PCDHGA12: variants seen among roughly 807,000 people sequenced by gnomAD.
The protein encoded by PCDHGA12 is protocadherin gamma subfamily A, 12.
In PCDHGA12, 43 loss-of-function variants were observed where a neutral mutation model predicts 61.1. The observed-to-expected ratio is 0.70, with a 90% CI of 0.55 to 0.91. PCDHGA12 has a LOEUF of 0.91. Among genes scored for constraint, PCDHGA12 ranks in the 40% least tolerant of loss-of-function variants. The pLI, the probability that PCDHGA12 is intolerant of heterozygous loss-of-function variation, is 0.00. For missense variants in PCDHGA12, 1,236 were observed against 1,227.7 expected (o/e 1.01, Z -0.10); for synonymous variants, 520 against 542.9 (o/e 0.96, Z 0.59).
intron 3 of PCDHGA12, among the ~76,000 whole-genome samples, chr5:141,505,981 A>G (rs1285802357): frequency 6.6e-6 from 1 of 151,898 alleles, no homozygotes; most frequent in Non-Finnish European, 1.5e-5. Context: ...CCGAGAGAAC[A>G]CCTCCTCTTT....
At chr5:141,495,492 G>C (rs1321150765) in intron 2 of PCDHGA12, among the ~76,000 whole-genome samples, 1 of 152,148 alleles carries the variant, frequency 6.6e-6, no homozygotes, top group Non-Finnish European at 1.5e-5. Flanking sequence ...CCTTTTTCTT[G>C]AGTTTCCGTC....
rs1340366910 is a variant in PCDHGA12 at position 141,490,965 on chromosome 5, C to T, written c.2425-3842C>T. The T allele has an allele frequency of 2.5e-6, 4 of 1,613,738 alleles. No homozygotes were observed. The highest frequency in any genetic ancestry group is 2.7e-5 in the African/African-American group (2 of 74,934). On this transcript the variant is annotated intron_variant, in intron 1 of 3. Transcript: ENST00000252085. This position sits in a 1 kb window ranked among gnomAD's most constrained non-coding sequence, Gnocchi z 5.4. Reference sequence around the variant, plus strand: ...CACGGCCAGACTGGGAACACTCAGCCCCCCAGCGTCTCCCTCGCTCTGCTC... The same window carrying T: ...CACGGCCAGACTGGGAACACTCAGCTCCCCAGCGTCTCCCTCGCTCTGCTC...
Position 141,476,019 on chromosome 5 carries a change from C to T in PCDHGA12, c.2425-18788C>T, listed in dbSNP as rs964061075. The T allele has an allele frequency of 3.9e-5, 54 of 1,390,282 alleles. 1 individual carries two copies. Among genetic ancestry groups the T allele is most frequent in the Non-Finnish European group, 4.9e-5 (51 of 1,034,212 alleles). 86.1% of individuals were successfully genotyped at this position (1,390,282 alleles called of 1,614,324 possible). A position where few individuals can be genotyped will look rare whatever the true frequency, so the allele number is the denominator to read the frequency against. Reference sequence around the variant, plus strand: ...ACGGCATCCAGAAAGCCATGTCGGACTCGGCGCCCAGCGCCCAAGCGCTAA... The same window carrying T: ...ACGGCATCCAGAAAGCCATGTCGGATTCGGCGCCCAGCGCCCAAGCGCTAA... On this transcript the variant is annotated intron_variant, in intron 1 of 3. Transcript: ENST00000252085. This position sits in a 1 kb window ranked among gnomAD's most constrained non-coding sequence, Gnocchi z 7.6.
intron 1 of PCDHGA12, among the ~76,000 whole-genome samples, chr5:141,480,513 C>T (rs1376669385): frequency 7.9e-6 from 1 of 127,246 alleles, no homozygotes. Context: ...ATGAGAACAA[C>T]CAAAAATGAC....
In PCDHGA12 at chr5:141,485,079, A is replaced by C; in HGVS notation, c.2425-9728A>C. ...AACCGCGCCAGAGCTGGCGCGGGGA[A>C]AGGGAGATAGGTGTCTCCAGCTGCT... is the stretch of plus-strand genomic sequence containing the variant. On this transcript the variant is annotated intron_variant, in intron 1 of 3. Transcript: ENST00000252085. This position sits in a 1 kb window ranked among gnomAD's most constrained non-coding sequence, Gnocchi z 5.7. 1 of 949,456 alleles carries C rather than the reference A, an allele frequency of 1.1e-6. No individual in the cohort carries two copies. The highest frequency in any genetic ancestry group is 1.6e-6 in the Non-Finnish European group (1 of 614,758). 58.8% of individuals were successfully genotyped at this position (949,456 alleles called of 1,614,324 possible).
chr5:141,444,377 G>A (rs1035830834), intron 1 of PCDHGA12, among the ~76,000 whole-genome samples: 3 of 151,802 alleles, frequency 2.0e-5, no homozygotes, highest in Non-Finnish European at 4.4e-5. Context: ...CTCCATGTTG[G>A]TCAGGCTAGT....
At chr5:141,494,161 T>G (rs1420295862) in intron 1 of PCDHGA12, among the ~76,000 whole-genome samples, 3 of 152,052 alleles carry the variant, frequency 2.0e-5, no homozygotes, top group African/African-American at 7.3e-5. Flanking sequence ...TGGCACGGAG[T>G]TCTAGGGGTG....
Position 141,476,500 on chromosome 5 carries a change from C to A in PCDHGA12, c.2425-18307C>A. The A allele has an allele frequency of 6.2e-7, 1 of 1,613,874 alleles. No homozygotes were observed. The highest frequency in any genetic ancestry group is 8.5e-7 in the Non-Finnish European group (1 of 1,179,950). ...GCGTGGAAGTGGTGATCCAGGACAT[C>A]AACGACAACAATCCTGCTTTCCCTA... On this transcript the variant is annotated intron_variant, in intron 1 of 3. Coordinates refer to ENST00000252085, the MANE Select transcript of PCDHGA12 (RefSeq NM_003735.3). The surrounding 1 kb of genome is among the most constrained non-coding windows in gnomAD (Gnocchi z 7.6).
chr5:141,511,031 A>G lies in PCDHGA12; in HGVS notation c.2657A>G (p.Gln886Arg). 6.2e-7 allele frequency: 1 copy of G among 1,614,244 alleles called. No individual in the cohort carries two copies. The highest frequency in any genetic ancestry group is 8.5e-7 in the Non-Finnish European group (1 of 1,180,034). ...SARYGPQFTL[Q>R]HVPDYRQNVY... Reference sequence around the variant, plus strand: ...CGCTACGGACCCCAGTTCACCCTGCAGCACGTGCCCGACTACCGCCAGAAT... The same window carrying G: ...CGCTACGGACCCCAGTTCACCCTGCGGCACGTGCCCGACTACCGCCAGAAT... The change falls in exon 4 of 4, where the codon CAG (glutamine) becomes CGG (arginine). Residue 886 changes from glutamine to arginine, a missense_variant. Gln to Arg is a conservative substitution (Grantham distance 43). Coordinates refer to ENST00000252085, the MANE Select transcript of PCDHGA12 (RefSeq NM_003735.3).
intron 1 of PCDHGA12, chr5:141,441,940 G>T (rs2098285664): frequency 5.9e-6 from 2 of 341,298 alleles, no homozygotes; most frequent in Non-Finnish European, 1.1e-5. Flanking sequence ...GTCCTACCAC[G>T]TGCTGCAGGC....
chr5:141,504,242 GTTC>G (rs903218038), intron 2 of PCDHGA12, among the ~76,000 whole-genome samples: 25 of 152,170 alleles, frequency 1.6e-4, no homozygotes, highest in African/African-American at 5.1e-4. Context: ...GAAGCAGAGA[GTTC>G]TTCTTATGGT....
chr5:141,482,041 T>C (rs1443886481), intron 1 of PCDHGA12, among the ~76,000 whole-genome samples: 2 of 150,190 alleles, frequency 1.3e-5, no homozygotes, highest in Non-Finnish European at 2.9e-5. Context: ...GCCAAGATCA[T>C]GCTGTTGCAT....
Position 141,485,057 on chromosome 5 carries a change from C to A in PCDHGA12, c.2425-9750C>A, listed in dbSNP as rs2099605934. ...GTAACCCTTGCGGCGCCGGCCGAACCGCGCCAGAGCTGGCGCGGGGAAAGG... is the reference window on the plus strand; with the variant it reads ...GTAACCCTTGCGGCGCCGGCCGAACAGCGCCAGAGCTGGCGCGGGGAAAGG... On this transcript the variant is annotated intron_variant, in intron 1 of 3. Coordinates refer to ENST00000252085, the MANE Select transcript of PCDHGA12 (RefSeq NM_003735.3). The surrounding 1 kb of genome is among the most constrained non-coding windows in gnomAD (Gnocchi z 5.7). The A allele has an allele frequency of 2.4e-6, 2 of 843,718 alleles. No homozygotes were observed. Among genetic ancestry groups the A allele is most frequent in the South Asian group, 1.7e-5 (1 of 59,950 alleles). 52.3% of individuals were successfully genotyped at this position (843,718 alleles called of 1,614,324 possible).
chr5:141,480,145 C>A (rs1331658762), intron 1 of PCDHGA12, among the ~76,000 whole-genome samples: 1 of 151,968 alleles, frequency 6.6e-6, no homozygotes, highest in Non-Finnish European at 1.5e-5. Context: ...CAATTATTAG[C>A]CAGCTCCTAG....
intron 1 of PCDHGA12, among the ~76,000 whole-genome samples, chr5:141,459,789 G>A (rs960868607): frequency 6.6e-6 from 1 of 152,206 alleles, no homozygotes; most frequent in Non-Finnish European, 1.5e-5. Context: ...AGTTTCAACT[G>A]TTTTTCCCTG....
intron 2 of PCDHGA12, among the ~76,000 whole-genome samples, chr5:141,497,332 A>G (rs537994715): frequency 6.6e-6 from 1 of 152,024 alleles, no homozygotes; most frequent in Non-Finnish European, 1.5e-5. Context: ...AGAATTCACC[A>G]TTGAACCTGG....
intron 1 of PCDHGA12, among the ~76,000 whole-genome samples, chr5:141,462,678 T>G (rs923728894): frequency 1.3e-5 from 2 of 152,210 alleles, no homozygotes; most frequent in South Asian, 4.1e-4. Flanking sequence ...TTCTTTAAAT[T>G]TTTGAGCACA....
chr5:141,468,868 AAATAAT>A (rs993655754), intron 1 of PCDHGA12, among the ~76,000 whole-genome samples: 1 of 151,794 alleles, frequency 6.6e-6, no homozygotes, highest in Non-Finnish European at 1.5e-5. Context: ...TCCATCTCAA[AAATAAT>A]AATAATAATA....
intron 1 of PCDHGA12, among the ~76,000 whole-genome samples, chr5:141,462,897 G>A (rs2099049236): frequency 6.6e-6 from 1 of 152,130 alleles, no homozygotes; most frequent in South Asian, 2.1e-4. Context: ...TGTTTTGGAA[G>A]GCTATTATGT....
Sources: allele counts gnomAD v4.1 joint callset (sites outside exome capture counted in the v4.1 genomes callset), GRCh38; gene constraint gnomAD v4.1.1; non-coding constraint Gnocchi (gnomAD v3.1); transcripts MANE v1.5; gene names NCBI Gene and HGNC (gene_info 2026-07-23, HGNC 2026-07-21).